Variants in PRKN observed in about 807,000 individuals in gnomAD.
PRKN encodes the protein E3 ubiquitin-protein ligase parkin.
A neutral mutation model predicts 59.5 loss-of-function variants in PRKN; 56 were observed. The observed-to-expected ratio is 0.94, with a 90% CI of 0.76 to 1.18. The LOEUF (loss-of-function observed/expected upper bound fraction) is 1.18, where lower values mean the gene tolerates loss of function less well. Among genes scored for constraint, PRKN ranks in the 50% most tolerant of loss-of-function variants. PRKN has a pLI of 0.00. For synonymous variants in PRKN, 250 were observed against 222.1 expected (o/e 1.13, Z -1.12); for missense variants, 657 against 596.4 (o/e 1.10, Z -1.06).
chr6:162,658,920 T>C (rs916429659), intron 1 of PRKN, among the ~76,000 whole-genome samples: 1 of 152,074 alleles, frequency 6.6e-6, no homozygotes, highest in Non-Finnish European at 1.5e-5. Context: ...TTAAAACAAG[T>C]CCACGTCTTA....
intron 4 of PRKN, among the ~76,000 whole-genome samples, chr6:162,111,197 A>G (rs1422095857): frequency 2.0e-5 from 3 of 152,152 alleles, no homozygotes; most frequent in Non-Finnish European, 4.4e-5. Flanking sequence ...TGGACACAGT[A>G]GATCACGCCT....
At chr6:162,517,000 T>TA (rs1777889226) in intron 1 of PRKN, among the ~76,000 whole-genome samples, 1 of 152,008 alleles carries the variant, frequency 6.6e-6, no homozygotes, top group African/African-American at 2.4e-5. Context: ...GAGAATGTCC[T>TA]ATGGTGGAAA....
intron 7 of PRKN, among the ~76,000 whole-genome samples, chr6:161,753,537 T>G (rs2128195513): frequency 6.6e-6 from 1 of 152,178 alleles, no homozygotes; most frequent in South Asian, 2.1e-4. Context: ...GATAAGAGGT[T>G]TATGGGTGGA....
At chr6:161,822,571 G>C (rs941305717) in intron 6 of PRKN, among the ~76,000 whole-genome samples, 7 of 152,334 alleles carry the variant, frequency 4.6e-5, no homozygotes, top group Admixed American at 4.6e-4. Context: ...AGCTACGCGG[G>C]AGGCTGAGGC....
chr6:161,865,226 T>C (rs997126760), intron 6 of PRKN, among the ~76,000 whole-genome samples: 1 of 152,162 alleles, frequency 6.6e-6, no homozygotes, highest in African/African-American at 2.4e-5. Context: ...CTTAAAACAT[T>C]GAGTAAACCA....
At chr6:161,938,632 A>T (rs1345365528) in intron 6 of PRKN, among the ~76,000 whole-genome samples, 1 of 152,202 alleles carries the variant, frequency 6.6e-6, no homozygotes, top group Non-Finnish European at 1.5e-5. Flanking sequence ...ATTTTGAAGG[A>T]CGTTGAAACG....
chr6:162,461,689 T>C (rs985758418), intron 1 of PRKN, among the ~76,000 whole-genome samples: 2 of 150,914 alleles, frequency 1.3e-5, no homozygotes, highest in Admixed American at 1.3e-4. Context: ...GGTGTGGTGG[T>C]GCGTTCCTGT....
chr6:162,469,922 A>T (rs1010428329), intron 1 of PRKN, among the ~76,000 whole-genome samples: 2 of 152,066 alleles, frequency 1.3e-5, no homozygotes, highest in African/African-American at 4.8e-5. Context: ...AATGGTAGAG[A>T]AGGAGGGAGC....
chr6:162,466,251 A>C (rs1274710107), intron 1 of PRKN, among the ~76,000 whole-genome samples: 2 of 152,142 alleles, frequency 1.3e-5, no homozygotes, highest in Non-Finnish European at 2.9e-5. Context: ...TTTTTTCCTT[A>C]CAACCTGTGT....
At chr6:161,555,155 T>C (rs1780187786) in intron 8 of PRKN, among the ~76,000 whole-genome samples, 2 of 152,184 alleles carry the variant, frequency 1.3e-5, no homozygotes, top group Non-Finnish European at 2.9e-5. Context: ...TTCTTATTTG[T>C]GTTTTTTAGA....
intron 7 of PRKN, among the ~76,000 whole-genome samples, chr6:161,680,686 C>A (rs1347590804): frequency 7.1e-6 from 1 of 140,498 alleles, no homozygotes; most frequent in Non-Finnish European, 1.5e-5. Flanking sequence ...CTGCAGGTGT[C>A]TGGCCAACAA....
At chr6:161,733,348 T>C (rs1787801691) in intron 7 of PRKN, among the ~76,000 whole-genome samples, 1 of 152,188 alleles carries the variant, frequency 6.6e-6, no homozygotes, top group Admixed American at 6.5e-5. Context: ...TTTTTTATTG[T>C]TAAAATGCCC....
At chr6:162,291,986 G>A (rs544505273) in intron 2 of PRKN, among the ~76,000 whole-genome samples, 25 of 145,708 alleles carry the variant, frequency 1.7e-4, no homozygotes, top group African/African-American at 5.6e-4. Flanking sequence ...TTTCTGAGAC[G>A]GACTTTCACT....
chr6:161,982,057 C>G (rs1194725404), intron 5 of PRKN, among the ~76,000 whole-genome samples: 3 of 152,184 alleles, frequency 2.0e-5, no homozygotes. Flanking sequence ...GCTAATATAA[C>G]AACCCACATC....
chr6:161,728,038 C>A (rs1457536530), intron 7 of PRKN, among the ~76,000 whole-genome samples: 1 of 152,142 alleles, frequency 6.6e-6, no homozygotes, highest in Non-Finnish European at 1.5e-5. Context: ...CACCCATTTT[C>A]GCTTCACTGA....
rs5881453 is a variant in PRKN, at chr6:162,155,103, T to TAAAA, written c.534+46024_534+46027dup. On this transcript the variant is annotated intron_variant, in intron 4 of 11. Transcript: ENST00000366898. ...TCAAAGATGGAAAAAAAATAAAACC[T>TAAAA]AAAAAAAAAAACAACAAAATGACTT... is the stretch of plus-strand genomic sequence containing the variant. 4.4e-3 allele frequency among the ~76,000 whole-genome samples: 595 copies of TAAAA among 135,840 alleles called. 2 individuals carry two copies. The highest frequency in any genetic ancestry group is 7.8e-3 in the African/African-American group (301 of 38,350). 89.1% of individuals were successfully genotyped at this position (135,840 alleles called of 152,430 possible). A position where few individuals can be genotyped will look rare whatever the true frequency, so the allele number is the denominator to read the frequency against.
At chr6:161,732,138 G>A (rs1311543888) in intron 7 of PRKN, among the ~76,000 whole-genome samples, 1 of 151,308 alleles carries the variant, frequency 6.6e-6, no homozygotes, top group African/African-American at 2.4e-5. Context: ...CCACGCTGGA[G>A]TGTAATGGTG....
chr6:161,810,640 T>G (rs1415686046), intron 6 of PRKN, among the ~76,000 whole-genome samples: 1 of 152,234 alleles, frequency 6.6e-6, no homozygotes, highest in East Asian at 1.9e-4. Flanking sequence ...GAGTGACTAC[T>G]TATGTAACAG....
intron 2 of PRKN, among the ~76,000 whole-genome samples, chr6:162,423,830 T>C (rs540672576): frequency 6.6e-6 from 1 of 152,276 alleles, no homozygotes; most frequent in African/African-American, 2.4e-5. Flanking sequence ...GCCTACCCAC[T>C]GGATAAAAAT....
Sources: allele counts gnomAD v4.1 joint callset (sites outside exome capture counted in the v4.1 genomes callset), GRCh38; gene constraint gnomAD v4.1.1; transcripts MANE v1.5; gene names NCBI Gene and HGNC (gene_info 2026-07-23, HGNC 2026-07-21).